COL6A5: variants seen among roughly 807,000 people sequenced by gnomAD.
The protein encoded by COL6A5 is collagen alpha-5(VI) chain.
In COL6A5, 48 loss-of-function variants were observed where a neutral mutation model predicts 65.6. The ratio of observed to expected loss-of-function variants is 0.73; its 90% CI spans 0.58 to 0.93. The LOEUF is 0.93. COL6A5 is among the 40% of genes least tolerant of loss of function. COL6A5 has a pLI of 0.00. For synonymous variants in COL6A5, 291 were observed against 322.8 expected (o/e 0.90, Z 1.05); for missense variants, 914 against 928.3 (o/e 0.98, Z 0.20).
chr3:130,410,517 G>T, exon 20 of COL6A5: 1 of 1,550,316 alleles, frequency 6.5e-7, no homozygotes, highest in Non-Finnish European at 8.7e-7. Flanking sequence ...AGTTCCAGAG[G>T]CAGCAGGGTA....
At chr3:130,405,752 A>G (rs1936966024) in intron 14 of COL6A5, 93 bp downstream of exon 14, 2 of 1,070,288 alleles carry the variant, frequency 1.9e-6, no homozygotes, top group Non-Finnish European at 2.8e-6. Flanking sequence ...TCTCTCTTCC[A>G]TCACTCCTCT....
At chr3:130,358,622 A>G (rs1935004383) in intron 1 of COL6A5, among the ~76,000 whole-genome samples, 1 of 152,226 alleles carries the variant, frequency 6.6e-6, no homozygotes, top group Non-Finnish European at 1.5e-5. Flanking sequence ...ATGCAAATTC[A>G]AAGAGCCATG....
chr3:130,367,615 TG>T (rs1348018880), intron 1 of COL6A5, among the ~76,000 whole-genome samples: 1 of 152,216 alleles, frequency 6.6e-6, no homozygotes, highest in Non-Finnish European at 1.5e-5. Flanking sequence ...GCAAGCTTTT[TG>T]TCTGTTTTGT....
intron 1 of COL6A5, among the ~76,000 whole-genome samples, chr3:130,361,538 C>T (rs568458840): frequency 6.6e-6 from 1 of 152,092 alleles, no homozygotes; most frequent in East Asian, 1.9e-4. Context: ...TGAACATCCA[C>T]GTGTAGTTTT....
chr3:130,387,961 TATGTTC>T (rs1367221154), intron 5 of COL6A5, among the ~76,000 whole-genome samples: 1 of 151,904 alleles, frequency 6.6e-6, no homozygotes, highest in African/African-American at 2.4e-5. Flanking sequence ...CGTATGTCTG[TATGTTC>T]ATTTCCAATC....
At chr3:130,484,159 T>C in exon 8 of COL6A5, 1 of 1,101,104 alleles carries the variant, frequency 9.1e-7, no homozygotes, top group South Asian at 2.0e-5. Context: ...TGACAGGGAC[T>C]TTTCACAAAA....
intron 11 of COL6A5, 23 bp downstream of exon 11, chr3:130,401,196 C>T (rs974858499): frequency 1.7e-5 from 26 of 1,516,754 alleles, no homozygotes; most frequent in South Asian, 1.5e-4. Flanking sequence ...ACAAAATCCC[C>T]GGTTGTTCAA....
chr3:130,401,656 G>A, intron 11 of COL6A5, 106 bp from the exon 12 acceptor site: 2 of 818,130 alleles, frequency 2.4e-6, no homozygotes, highest in East Asian at 2.7e-5. Context: ...TCCAAAGGGT[G>A]AAGATGGGCG....
intron 1 of COL6A5, among the ~76,000 whole-genome samples, chr3:130,363,934 A>C (rs1935233788): frequency 6.6e-6 from 1 of 152,126 alleles, no homozygotes; most frequent in African/African-American, 2.4e-5. Flanking sequence ...TGTCTCTTCA[A>C]TTTTGGGGCA....
Position 130,390,845 on chromosome 3 carries a change from G to A in COL6A5, c.2417-334G>A, listed in dbSNP as rs1039971929. Among the ~76,000 whole-genome samples, 4 of 152,170 alleles carry A rather than the reference G, an allele frequency of 2.6e-5. No individual in the cohort carries two copies. In the East Asian group the frequency reaches 5.8e-4, roughly 22 times the overall value. ...CATTGGCATGGAACTAGCTTCTAAC[G>A]TTGCCTTTCAGTTGAAAGCCTGCTT... is the stretch of plus-strand genomic sequence containing the variant. On this transcript the variant is annotated intron_variant and NMD_transcript_variant, in intron 6 of 41. Coordinates refer to the COL6A5 transcript ENST00000312481.
chr3:130,452,977 G>C (rs935052122), intron 4 of COL6A5, among the ~76,000 whole-genome samples: 2 of 152,164 alleles, frequency 1.3e-5, no homozygotes, highest in Non-Finnish European at 2.9e-5. Flanking sequence ...GTTCCGCCCA[G>C]CTCACCAGTG....
At chr3:130,353,207 C>G (rs553484290) in intron 1 of COL6A5, among the ~76,000 whole-genome samples, 1 of 152,210 alleles carries the variant, frequency 6.6e-6, no homozygotes, top group African/African-American at 2.4e-5. Flanking sequence ...TACAAAATAG[C>G]CAAGGACATG....
chr3:130,450,151 C>T (rs1198652782), intron 4 of COL6A5, among the ~76,000 whole-genome samples: 3 of 151,928 alleles, frequency 2.0e-5, no homozygotes, highest in African/African-American at 7.3e-5. Flanking sequence ...CTGGGGGTTG[C>T]GTTGGGACCG....
At chr3:130,444,139 C>T (rs1347418883) in intron 4 of COL6A5, among the ~76,000 whole-genome samples, 1 of 152,186 alleles carries the variant, frequency 6.6e-6, no homozygotes, top group Non-Finnish European at 1.5e-5. Flanking sequence ...GGCTCACCAG[C>T]AGTCAGAATT....
At chr3:130,376,484 CG>C (rs747973171) in exon 3 of COL6A5, 1 of 1,606,104 alleles carries the variant, frequency 6.2e-7, no homozygotes, top group Admixed American at 1.7e-5. Flanking sequence ...AGTTCATTGG[CG>C]GGTCCCTGCA....
intron 1 of COL6A5, among the ~76,000 whole-genome samples, chr3:130,362,256 C>CTCTCTCTCTCTT (rs1383128457): frequency 5.1e-5 from 7 of 138,322 alleles, no homozygotes; most frequent in African/African-American, 1.9e-4. Flanking sequence ...GTTTCTTTCT[C>CTCTCTCTCTCTT]TCTCTCTCTC....
At chr3:130,429,144 G>A (rs889152149), upstream of COL6A5, among the ~76,000 whole-genome samples, 3 of 152,126 alleles carry the variant, frequency 2.0e-5, no homozygotes, top group African/African-American at 7.2e-5. Flanking sequence ...GGAAAATAAA[G>A]GCTCCCAAGA....
intron 5 of COL6A5, among the ~76,000 whole-genome samples, chr3:130,457,603 G>T (rs1223080983): frequency 6.6e-6 from 1 of 152,052 alleles, no homozygotes; most frequent in Non-Finnish European, 1.5e-5. Flanking sequence ...TGAGAGTTCT[G>T]GGGATGATTA....
At chr3:130,369,049 C>T (rs1256431313) in intron 1 of COL6A5, among the ~76,000 whole-genome samples, 2 of 152,150 alleles carry the variant, frequency 1.3e-5, no homozygotes, top group African/African-American at 4.8e-5. Context: ...GCCCTTCTCC[C>T]TCTACTGGAG....
Sources: gnomAD v4.1 joint callset for allele counts (sites outside exome capture counted in the v4.1 genomes callset) on GRCh38, gnomAD v4.1.1 for gene constraint, MANE v1.5 for transcripts, NCBI Gene and HGNC (gene_info 2026-07-23, HGNC 2026-07-21) for gene names.